The following SGMS1 variants were observed in gnomAD, a reference collection of about 807,000 sequenced individuals.
The protein encoded by SGMS1 is phosphatidylcholine:ceramide cholinephosphotransferase 1.
Under a neutral mutation model 46.2 loss-of-function variants are expected in SGMS1, and 13 were observed. The observed-to-expected ratio is 0.28, with a 90% CI of 0.18 to 0.45. The LOEUF (loss-of-function observed/expected upper bound fraction) is 0.45, where lower values mean the gene tolerates loss of function less well. Ranked by LOEUF, SGMS1 falls within the 20% of genes least tolerant of loss-of-function variation. The pLI is 1.00. For synonymous variants in SGMS1, 203 were observed against 187.8 expected, an observed-to-expected ratio of 1.08 and a Z score of -0.66; for missense variants, 324 against 519.9, an observed-to-expected ratio of 0.62 and a Z score of 3.66.
intron 5 of SGMS1, among the ~76,000 whole-genome samples, chr10:50,440,325 C>G (rs966539325): frequency 6.6e-6 from 1 of 151,412 alleles, no homozygotes; most frequent in African/African-American, 2.4e-5. Flanking sequence ...ACTCAACATT[C>G]TCCTTCCTAA....
chr10:50,552,871 AGAG>A (rs1161175918), intron 2 of SGMS1, among the ~76,000 whole-genome samples: 1 of 152,090 alleles, frequency 6.6e-6, no homozygotes, highest in Non-Finnish European at 1.5e-5. Flanking sequence ...CTGACACCAA[AGAG>A]AAGAGAAGAA....
chr10:50,544,308 G>A (rs1271627718), intron 2 of SGMS1, among the ~76,000 whole-genome samples: 1 of 152,154 alleles, frequency 6.6e-6, no homozygotes, highest in East Asian at 1.9e-4. Flanking sequence ...CACACAGGGA[G>A]ACACGGAGGA....
intron 6 of SGMS1, among the ~76,000 whole-genome samples, chr10:50,366,870 C>T (rs1366852001): frequency 6.6e-6 from 1 of 152,060 alleles, no homozygotes; most frequent in East Asian, 1.9e-4. Flanking sequence ...TTGATGGGTG[C>T]AGCAAACCAC....
intron 6 of SGMS1, among the ~76,000 whole-genome samples, chr10:50,422,693 G>C (rs926991284): frequency 4.6e-5 from 7 of 152,260 alleles, no homozygotes; most frequent in Non-Finnish European, 8.8e-5. Context: ...TTTACCAACA[G>C]GTGCTCCTAA....
At chr10:50,578,459 A>G (rs1838404167) in intron 2 of SGMS1, among the ~76,000 whole-genome samples, 1 of 152,128 alleles carries the variant, frequency 6.6e-6, no homozygotes, top group Non-Finnish European at 1.5e-5. Flanking sequence ...TACAATTTTT[A>G]TTTTTTATCA....
chr10:50,527,118 A>C (rs1837910988), intron 2 of SGMS1, among the ~76,000 whole-genome samples: 1 of 151,186 alleles, frequency 6.6e-6, no homozygotes, highest in African/African-American at 2.4e-5. Flanking sequence ...AGAACTGGCC[A>C]TGTATTCAAC....
intron 6 of SGMS1, among the ~76,000 whole-genome samples, chr10:50,359,370 T>G (rs901456976): frequency 3.9e-5 from 6 of 151,928 alleles, no homozygotes; most frequent in Non-Finnish European, 1.5e-5. Context: ...TTTCCCCACC[T>G]CTCCCAAAAT....
intron 1 of SGMS1, among the ~76,000 whole-genome samples, chr10:50,615,124 G>A (rs1158337372): frequency 2.0e-5 from 3 of 152,206 alleles, no homozygotes; most frequent in Admixed American, 6.5e-5. Flanking sequence ...GAATGACAGA[G>A]AATGCACCTG....
At chr10:50,391,547 G>A (rs1407213429) in intron 6 of SGMS1, among the ~76,000 whole-genome samples, 1 of 152,160 alleles carries the variant, frequency 6.6e-6, no homozygotes, top group African/African-American at 2.4e-5. Flanking sequence ...GGAGAAAAGG[G>A]AACACTTACA....
intron 8 of SGMS1, 98 bp downstream of exon 8, chr10:50,327,107 G>A (rs1347391669): frequency 1.9e-5 from 13 of 702,638 alleles, no homozygotes; most frequent in Non-Finnish European, 3.3e-5. Context: ...TGACTCCACT[G>A]TATTCTGAAG....
chr10:50,599,634 G>A (rs1838630373), intron 1 of SGMS1, among the ~76,000 whole-genome samples: 1 of 152,180 alleles, frequency 6.6e-6, no homozygotes, highest in Admixed American at 6.5e-5. Flanking sequence ...GGAAGCCGAG[G>A]TGGGCAGATC....
intron 2 of SGMS1, among the ~76,000 whole-genome samples, chr10:50,562,668 C>T (rs971093901): frequency 1.3e-5 from 2 of 152,154 alleles, no homozygotes; most frequent in Non-Finnish European, 2.9e-5. Flanking sequence ...CTCAGCCTCC[C>T]GAGTAGCTGG....
rs1400809514 is a variant in SGMS1 at position 50,333,456 on chromosome 10, A to G, written c.624-6134T>C. Among the ~76,000 whole-genome samples the G allele has an allele frequency of 1.1e-4, 16 of 152,134 alleles. 1 individual carries two copies. Among genetic ancestry groups the G allele is most frequent in the Non-Finnish European group, 2.9e-5 (2 of 68,030 alleles). On this transcript the variant is annotated intron_variant, in intron 7 of 10. Coordinates refer to ENST00000361781, the MANE Select transcript of SGMS1 (RefSeq NM_147156.4). ...CTGCATTCATATTTTTATTCAAAACACTTGCTGAGATTGCTCCATTATCCA... is the reference window on the plus strand; with the variant it reads ...CTGCATTCATATTTTTATTCAAAACGCTTGCTGAGATTGCTCCATTATCCA...
chr10:50,495,057 A>T lies in SGMS1; in HGVS notation c.-498+24774T>A, dbSNP rs527620920. ...TCTCAAAAAAAAAAATAAAATAAAA[A>T]AAAATACAAAAAATACAAAAAAAAA... is the stretch of plus-strand genomic sequence containing the variant. On this transcript the variant is annotated intron_variant, in intron 3 of 10. Transcript: ENST00000361781. 4.5e-3 allele frequency among the ~76,000 whole-genome samples: 362 copies of T among 80,800 alleles called. 10 individuals carry two copies. Among genetic ancestry groups the T allele is most frequent in the African/African-American group, 0.014 (334 of 24,592 alleles). The allele number at this position is 80,800 out of a possible 152,430, so 53.0% of individuals were successfully genotyped here. A position where few individuals can be genotyped will look rare whatever the true frequency, so the allele number is the denominator to read the frequency against.
intron 7 of SGMS1, chr10:50,334,603 T>G (rs967488351): frequency 6.6e-6 from 1 of 152,190 alleles, no homozygotes; most frequent in African/African-American, 2.4e-5. Flanking sequence ...TCACCAGCAG[T>G]CACTAACATT....
intron 1 of SGMS1, among the ~76,000 whole-genome samples, chr10:50,618,148 C>T (rs1378706792): frequency 1.3e-5 from 2 of 152,156 alleles, no homozygotes; most frequent in Admixed American, 6.5e-5. Flanking sequence ...TTTAGGAAAA[C>T]TGTCTCACAG....
chr10:50,447,359 A>G (rs1837031364), intron 5 of SGMS1, among the ~76,000 whole-genome samples: 2 of 152,150 alleles, frequency 1.3e-5, no homozygotes, highest in African/African-American at 4.8e-5. Flanking sequence ...ATATACATAA[A>G]TAATTACCTT....
chr10:50,511,243 A>G (rs2133773080), intron 3 of SGMS1, among the ~76,000 whole-genome samples: 1 of 127,376 alleles, frequency 7.9e-6, no homozygotes, highest in Non-Finnish European at 1.6e-5. Flanking sequence ...TCATTCACTC[A>G]TTCATACACA....
rs1243755056 is a variant in SGMS1, at chr10:50,308,229, T to C, written c.896-81A>G. 4.0e-6 allele frequency: 5 copies of C among 1,235,280 alleles called. No homozygotes were observed. In the East Asian group the frequency reaches 9.7e-5, roughly 24 times the overall value. The allele number at this position is 1,235,280 out of a possible 1,614,324, so 76.5% of individuals were successfully genotyped here. A position where few individuals can be genotyped will look rare whatever the true frequency, so the allele number is the denominator to read the frequency against. The stretch of plus-strand genomic sequence containing the variant: ...CCAACTATGCCTCTACTAATGCTTC[T>C]GAATCCAATTACCTTGAGTCTTCCC... On this transcript the variant is annotated intron_variant, in intron 9 of 10. Coordinates refer to ENST00000361781, the MANE Select transcript of SGMS1 (RefSeq NM_147156.4).
Sources: gnomAD v4.1 joint callset for allele counts (sites outside exome capture counted in the v4.1 genomes callset) on GRCh38, gnomAD v4.1.1 for gene constraint, MANE v1.5 for transcripts, NCBI Gene and HGNC (gene_info 2026-07-23, HGNC 2026-07-21) for gene names.